Variants in PACRG observed in about 807,000 individuals in gnomAD.
The protein encoded by PACRG is parkin coregulated.
Under a neutral mutation model 29.7 loss-of-function variants are expected in PACRG, and 29 were observed. The ratio of observed to expected loss-of-function variants is 0.98; its 90% confidence interval spans 0.73 to 1.33. The LOEUF is 1.33. Among genes scored for constraint, PACRG ranks in the 40% most tolerant of loss-of-function variants. The pLI is 0.00. For missense variants in PACRG, 279 were observed against 316.2 expected, an observed-to-expected ratio of 0.88 and a Z score of 0.89; for synonymous variants, 116 against 118.7, an observed-to-expected ratio of 0.98 and a Z score of 0.15.
At chr6:163,135,363 A>G (rs146419993) in intron 4 of PACRG, among the ~76,000 whole-genome samples, 1,737 of 152,016 alleles carry the variant, frequency 0.011, 27 homozygotes, top group African/African-American at 0.038. Context: ...TAATTTTTGT[A>G]TTTTTAGTAG....
chr6:162,790,825 G>A (rs967988575), intron 1 of PACRG, among the ~76,000 whole-genome samples: 15 of 152,074 alleles, frequency 9.9e-5, no homozygotes, highest in African/African-American at 3.1e-4. Flanking sequence ...ACCTAAAGCC[G>A]GAAGATAACT....
intron 4 of PACRG, among the ~76,000 whole-genome samples, chr6:163,217,675 G>A (rs909454082): frequency 2.6e-5 from 4 of 152,114 alleles, no homozygotes; most frequent in African/African-American, 9.7e-5. Flanking sequence ...TCGCTTTACT[G>A]CCTGAGCTCC....
chr6:163,185,519 T>G (rs1169381510), intron 4 of PACRG, among the ~76,000 whole-genome samples: 1 of 152,176 alleles, frequency 6.6e-6, no homozygotes, highest in East Asian at 1.9e-4. Flanking sequence ...ATAAGCCATT[T>G]TAAAGGAAAG....
At chr6:162,849,391 C>T (rs1424679943) in intron 2 of PACRG, among the ~76,000 whole-genome samples, 7 of 152,212 alleles carry the variant, frequency 4.6e-5, no homozygotes, top group Non-Finnish European at 1.0e-4. Flanking sequence ...CCTGTTTGCT[C>T]CACTGATGTG....
chr6:163,016,179 G>A (rs1020681889), intron 2 of PACRG: 4 of 152,246 alleles, frequency 2.6e-5, no homozygotes, highest in East Asian at 1.9e-4. Context: ...CATTTCAAGG[G>A]GCACAGTCGT....
At chr6:163,304,966 A>G (rs1785142656) in intron 4 of PACRG, among the ~76,000 whole-genome samples, 1 of 152,242 alleles carries the variant, frequency 6.6e-6, no homozygotes, top group Non-Finnish European at 1.5e-5. Flanking sequence ...GAAGATGGAA[A>G]GATAAACAGA....
Position 162,847,050 on chromosome 6 carries a change from G to A in PACRG, c.291+32769G>A, listed in dbSNP as rs9356067. ...TGCCGTGCTCCTCACGCTGACTGCC[G>A]TGCTCCTCATGCTGACTGCCATGCT... On this transcript the variant is annotated intron_variant, in intron 2 of 4. Transcript: ENST00000366888. Among the ~76,000 whole-genome samples the A allele has an allele frequency of 1.4e-4, 17 of 123,774 alleles. 1 individual carries two copies. The highest frequency in any genetic ancestry group is 0.014 in the Middle Eastern group (2 of 140). The allele number at this position is 123,774 out of a possible 152,430, so 81.2% of individuals were successfully genotyped here. A position where few individuals can be genotyped will look rare whatever the true frequency, so the allele number is the denominator to read the frequency against.
chr6:163,228,832 A>G (rs1366484341), intron 4 of PACRG, among the ~76,000 whole-genome samples: 1 of 152,162 alleles, frequency 6.6e-6, no homozygotes, highest in African/African-American at 2.4e-5. Context: ...CTAGTTATAT[A>G]TGTTTTTCCA....
At chr6:163,004,701 A>AGTGTGTGTGTGTGTGTGTGTGT (rs374627693) in intron 2 of PACRG, among the ~76,000 whole-genome samples, 1 of 131,484 alleles carries the variant, frequency 7.6e-6, no homozygotes, top group African/African-American at 3.4e-5. Flanking sequence ...ACAAAGTTCT[A>AGTGTGTGTGTGTGTGTGTGTGT]GTGTGTGTGT....
chr6:162,812,202 G>A (rs1038590713), intron 1 of PACRG, among the ~76,000 whole-genome samples: 4 of 152,098 alleles, frequency 2.6e-5, no homozygotes, highest in Admixed American at 2.0e-4. Context: ...ATCACAGTTT[G>A]TAGGATATTC....
At chr6:163,201,041 G>A (rs1274811563) in intron 4 of PACRG, among the ~76,000 whole-genome samples, 6 of 152,114 alleles carry the variant, frequency 3.9e-5, no homozygotes, top group Non-Finnish European at 8.8e-5. Context: ...CTATGGCCAC[G>A]GTTTCCTGTG....
At chr6:162,826,141 G>C (rs547800659) in intron 2 of PACRG, among the ~76,000 whole-genome samples, 1 of 152,018 alleles carries the variant, frequency 6.6e-6, no homozygotes, top group Non-Finnish European at 1.5e-5. Context: ...AAAATCAATA[G>C]AATAAAATAT....
At chr6:162,872,669 A>G (rs1335491645) in intron 2 of PACRG, among the ~76,000 whole-genome samples, 1 of 152,166 alleles carries the variant, frequency 6.6e-6, no homozygotes, top group Non-Finnish European at 1.5e-5. Flanking sequence ...GGAGGGAGGT[A>G]ATTTCTATAA....
At chr6:163,159,695 GTTC>G (rs1427102418) in intron 4 of PACRG, among the ~76,000 whole-genome samples, 2 of 152,036 alleles carry the variant, frequency 1.3e-5, no homozygotes, top group South Asian at 2.1e-4. Context: ...TCCTTTCTAG[GTTC>G]TTCTTCTGCT....
intron 1 of PACRG, among the ~76,000 whole-genome samples, chr6:162,740,889 A>G (rs993810333): frequency 2.0e-4 from 30 of 152,160 alleles, no homozygotes; most frequent in Non-Finnish European, 3.2e-4. Flanking sequence ...ATGAGCCACC[A>G]CGCCCAGCCA....
chr6:163,282,391 T>G (rs1784251502), intron 4 of PACRG, among the ~76,000 whole-genome samples: 1 of 152,180 alleles, frequency 6.6e-6, no homozygotes. Context: ...ACAAAAATAT[T>G]TATTTCTCTT....
At chr6:163,038,997 A>T (rs1296750736) in intron 2 of PACRG, among the ~76,000 whole-genome samples, 1 of 152,204 alleles carries the variant, frequency 6.6e-6, no homozygotes, top group African/African-American at 2.4e-5. Context: ...GATATGGTTT[A>T]GATCTATGTC....
chr6:163,108,523 G>GCAAC (rs1815524474), intron 4 of PACRG, among the ~76,000 whole-genome samples: 1 of 150,252 alleles, frequency 6.7e-6, no homozygotes, highest in Non-Finnish European at 1.5e-5. Flanking sequence ...TCCCTGAGTA[G>GCAAC]CTGGGACCAC....
At chr6:163,172,595 A>G (rs901887738) in intron 4 of PACRG, among the ~76,000 whole-genome samples, 1 of 152,206 alleles carries the variant, frequency 6.6e-6, no homozygotes, top group Non-Finnish European at 1.5e-5. Context: ...ATTGATTAAC[A>G]CAATTTCTTG....
Sources: allele counts gnomAD v4.1 joint callset (sites outside exome capture counted in the v4.1 genomes callset), GRCh38; gene constraint gnomAD v4.1.1; transcripts MANE v1.5; gene names NCBI Gene and HGNC (gene_info 2026-07-23, HGNC 2026-07-21).